SAP130: variants seen among roughly 807,000 people sequenced by gnomAD.
SAP130 encodes Sin3A associated protein 130, also known as histone deacetylase complex subunit SAP130.
SAP130 carries 16 observed loss-of-function variants against 103.2 expected under a neutral mutation model. The ratio of observed to expected loss-of-function variants is 0.16; its 90% CI spans 0.10 to 0.24. The LOEUF (loss-of-function observed/expected upper bound fraction) is 0.24. Ranked by LOEUF, SAP130 falls within the 10% of genes least tolerant of loss-of-function variation. The pLI is 1.00. For synonymous variants in SAP130, 477 were observed against 497.0 expected, an observed-to-expected ratio of 0.96 and a Z score of 0.53; for missense variants, 990 against 1,359.7, an observed-to-expected ratio of 0.73 and a Z score of 4.28.
intron 15 of SAP130, among the ~76,000 whole-genome samples, chr2:127,976,601 A>G (rs927859475): frequency 1.3e-5 from 2 of 152,268 alleles, no homozygotes; most frequent in Admixed American, 6.5e-5. Flanking sequence ...TATAATCAGT[A>G]AGATCTCTTT....
At chr2:127,964,947 C>A (rs573553292) in intron 15 of SAP130, among the ~76,000 whole-genome samples, 1 of 147,312 alleles carries the variant, frequency 6.8e-6, no homozygotes, top group South Asian at 2.1e-4. Flanking sequence ...TGCAGTGAGC[C>A]GAGAACGCGC....
intron 18 of SAP130, 94 bp from the exon 19 acceptor site, chr2:127,945,653 G>A: frequency 2.6e-6 from 2 of 777,754 alleles, no homozygotes; most frequent in Non-Finnish European, 4.3e-6. Context: ...ATTTTAACAA[G>A]AATTTTATTT....
intron 15 of SAP130, among the ~76,000 whole-genome samples, chr2:127,969,926 C>T (rs570087209): frequency 9.2e-5 from 14 of 152,138 alleles, no homozygotes; most frequent in Non-Finnish European, 1.8e-4. Flanking sequence ...AAGACCTTGT[C>T]TCTACTAAAA....
intron 6 of SAP130, among the ~76,000 whole-genome samples, chr2:128,011,192 G>A (rs1487787610): frequency 6.6e-6 from 1 of 152,164 alleles, no homozygotes; most frequent in Admixed American, 6.5e-5. Context: ...GGCCATCTAC[G>A]TTAGTGAGTA....
In SAP130 at chr2:127,981,059, C is replaced by G. The variant is rs189203485; in HGVS notation, c.1959-2970G>C. 2.0e-3 allele frequency among the ~76,000 whole-genome samples: 307 copies of G among 152,062 alleles called. 3 individuals are homozygous for G. Among genetic ancestry groups the G allele is most frequent in the South Asian group, 0.011 (52 of 4,808 alleles). On this transcript the variant is annotated intron_variant, in intron 14 of 20. Coordinates refer to ENST00000643581, the MANE Select transcript of SAP130 (RefSeq NM_001330301.2). Reference sequence around the variant, plus strand: ...ATGTTGGTAACTGTTAAGGTCACCACGACCAGACCATTTCCTTCCCCTCCC... The same window carrying G: ...ATGTTGGTAACTGTTAAGGTCACCAGGACCAGACCATTTCCTTCCCCTCCC...
chr2:127,944,728 T>C (rs888645905), intron 19 of SAP130, among the ~76,000 whole-genome samples: 3 of 151,896 alleles, frequency 2.0e-5, no homozygotes, highest in African/African-American at 7.3e-5. Context: ...GCCTGGCCTC[T>C]ACAAAAAATT....
chr2:127,941,238 AG>A lies in SAP130; in HGVS notation c.*767del, dbSNP rs1369279027. 6.6e-6 allele frequency: 1 copy of A among 152,208 alleles called. No individual in the cohort carries two copies. The highest frequency in any genetic ancestry group is 2.4e-5 in the African/African-American group (1 of 41,466). 9.4% of individuals were successfully genotyped at this position (152,208 alleles called of 1,614,324 possible). The stretch of plus-strand genomic sequence containing the variant: ...CTGCGCAAGTACAAAAACCTCTTTG[AG>A]TCCTTTATTAACGTCTGGAGATGTG... On this transcript the variant is annotated 3_prime_UTR_variant, in exon 21 of 21. Transcript: ENST00000643581.
rs777285430 is a variant in SAP130, at chr2:127,955,237, G to C, written c.2171C>G (p.Pro724Arg). ...NNDQPTIAVPPTAQQPPPTIP... is the reference protein window; with the variant it reads ...NNDQPTIAVPRTAQQPPPTIP... ...GGTCGGTGGGGGCTGCTGGGCAGTTGGAGGGACGGCAATGGTAGGCTGATC... is the reference window on the plus strand; with the variant it reads ...GGTCGGTGGGGGCTGCTGGGCAGTTCGAGGGACGGCAATGGTAGGCTGATC... The change falls in exon 16 of 21, where the codon CCA becomes CGA. Residue 724 changes from proline to arginine, a missense_variant. By Grantham distance (103) the Pro-to-Arg change is moderately radical. Around this residue, in one of 6 missense-constraint regions of SAP130, gnomAD observed 349 missense variants for 384.1 expected, o/e 0.91. Transcript: ENST00000643581. This position sits in a 1 kb window ranked among gnomAD's most constrained non-coding sequence, Gnocchi z 4.9. The C allele has an allele frequency of 1.9e-6, 3 of 1,614,124 alleles. No individual in the cohort carries two copies. In the South Asian group the frequency reaches 3.3e-5, roughly 18 times the overall value.
At position 127,949,971 on chromosome 2, in the gene SAP130, G is replaced by C; in HGVS notation, c.2695C>G (p.Pro899Ala). 6.2e-7 allele frequency: 1 copy of C among 1,614,060 alleles called. No homozygotes were observed. The highest frequency in any genetic ancestry group is 1.3e-5 in the African/African-American group (1 of 75,014). ...YIDEEGVRYV[P>A]VRPRPPITLL... ...GTAATGGGGGGTCTTGGACGCACTG[G>C]GACATATCTCACACCTTCCTCATCT... The change falls in exon 18 of 21, where the codon CCA (proline) becomes GCA (alanine). Residue 899 changes from proline (P) to alanine (A), a missense_variant. Around this residue, in one of 6 missense-constraint regions of SAP130, gnomAD observed 61 missense variants for 73.8 expected, o/e 0.83. Coordinates refer to ENST00000643581, the MANE Select transcript of SAP130 (RefSeq NM_001330301.2).
At chr2:127,958,635 TGA>T (rs372337440) in intron 15 of SAP130, among the ~76,000 whole-genome samples, 4,757 of 127,478 alleles carry the variant, frequency 0.037, 157 homozygotes, top group African/African-American at 0.076. Flanking sequence ...GTGAGACAGA[TGA>T]GAGAGAGAGA....
At chr2:127,944,948 GC>G (rs1263028692) in intron 19 of SAP130, among the ~76,000 whole-genome samples, 4 of 150,588 alleles carry the variant, frequency 2.7e-5, no homozygotes, top group African/African-American at 9.8e-5. Context: ...GGAGAGGTAT[GC>G]CCCGGTCTCT....
chr2:128,019,983 A>C (rs763773457), intron 2 of SAP130, among the ~76,000 whole-genome samples: 3 of 152,232 alleles, frequency 2.0e-5, no homozygotes, highest in Non-Finnish European at 2.9e-5. Flanking sequence ...TTTTTCCAAA[A>C]TAATTTTTTT....
chr2:127,967,488 C>T (rs1680740879), intron 15 of SAP130, among the ~76,000 whole-genome samples: 1 of 152,200 alleles, frequency 6.6e-6, no homozygotes, highest in African/African-American at 2.4e-5. Flanking sequence ...CAAACTCTGC[C>T]TCCGGTTTTC....
intron 7 of SAP130, among the ~76,000 whole-genome samples, chr2:128,004,974 C>G (rs1254359660): frequency 1.3e-5 from 2 of 152,198 alleles, no homozygotes; most frequent in African/African-American, 4.8e-5. Flanking sequence ...AAAACAGGAT[C>G]TATTTAAAGA....
intron 2 of SAP130, among the ~76,000 whole-genome samples, chr2:128,020,597 T>C (rs147464570): frequency 6.6e-6 from 1 of 152,224 alleles, no homozygotes; most frequent in South Asian, 2.1e-4. Context: ...TTTTGAATAG[T>C]GCTAGTAATG....
chr2:127,977,989 C>T lies in SAP130; in HGVS notation c.2059G>A (p.Ala687Thr). Residue 687 changes from alanine (A) to threonine (T), a missense_variant, in exon 15 of 21, where the codon GCA becomes ACA. This residue lies in a region of SAP130 where 349 missense variants were observed against 384.1 expected (regional missense o/e 0.91). Transcript: ENST00000643581. ...MRSTSGSPRP[A>T]GAKPKSEIHV... ...GAAGAACACTTAGGTGCTCACCCTGCAGGCCTAGGTGACCCAGACGTACTC... is the reference window on the plus strand; with the variant it reads ...GAAGAACACTTAGGTGCTCACCCTGTAGGCCTAGGTGACCCAGACGTACTC... 2 of 1,549,138 alleles carry T rather than the reference C, an allele frequency of 1.3e-6. No homozygotes were observed. The highest frequency in any genetic ancestry group is 1.7e-6 in the Non-Finnish European group (2 of 1,144,320).
chr2:128,023,613 A>C (rs1267726329), intron 2 of SAP130, among the ~76,000 whole-genome samples: 1 of 152,070 alleles, frequency 6.6e-6, no homozygotes, highest in Non-Finnish European at 1.5e-5. Flanking sequence ...CACCGTCTCT[A>C]CTAAAAAATA....
At chr2:128,025,271 T>C (rs1000476280) in intron 2 of SAP130, among the ~76,000 whole-genome samples, 1 of 152,228 alleles carries the variant, frequency 6.6e-6, no homozygotes, top group South Asian at 2.1e-4. Flanking sequence ...GCAGTATCCC[T>C]GGCCTCTACC....
chr2:127,947,796 G>GTGTGTT (rs1679210095), intron 18 of SAP130, among the ~76,000 whole-genome samples: 1 of 151,998 alleles, frequency 6.6e-6, no homozygotes. Context: ...GTGTGTGTGT[G>GTGTGTT]TGTGTTTTGA....
Sources: allele counts gnomAD v4.1 joint callset (sites outside exome capture counted in the v4.1 genomes callset), GRCh38; gene constraint gnomAD v4.1.1; regional missense constraint gnomAD v4.1.1; non-coding constraint Gnocchi (gnomAD v3.1); transcripts MANE v1.5; gene names NCBI Gene and HGNC (gene_info 2026-07-23, HGNC 2026-07-21).